Variants in NCR1 observed in about 807,000 individuals in gnomAD.
NCR1 encodes natural cytotoxicity triggering receptor 1.
Under a neutral mutation model 32.5 loss-of-function variants are expected in NCR1, and 30 were observed. That is an observed-to-expected ratio of 0.92 (90% CI 0.69 to 1.25). NCR1 has a LOEUF of 1.25. Ranked by LOEUF, NCR1 falls within the 50% of genes most tolerant of loss-of-function variation. The probability of loss-of-function intolerance (pLI) is 0.00; values close to 1 mark genes in which losing one functional copy is unlikely to be tolerated. For missense variants in NCR1, 369 were observed against 380.7 expected, an observed-to-expected ratio of 0.97 and a Z score of 0.26; for synonymous variants, 169 against 143.4, an observed-to-expected ratio of 1.18 and a Z score of -1.28.
chr19:54,922,484 A>G, the NCR1 span, among the ~76,000 whole-genome samples: 27,892 of 151,766 alleles, frequency 0.18, 2,657 homozygotes, highest in East Asian at 0.32. Flanking sequence ...CTCACACAGA[A>G]ACAGACAGAC....
the NCR1 span, among the ~76,000 whole-genome samples, chr19:54,932,440 T>G: frequency 7.6e-6 from 1 of 131,744 alleles, no homozygotes. Flanking sequence ...AAAAAAAAAA[T>G]GAATCTCAGA....
At chr19:54,926,289 G>A in the NCR1 span, among the ~76,000 whole-genome samples, 1 of 151,918 alleles carries the variant, frequency 6.6e-6, no homozygotes, top group Non-Finnish European at 1.5e-5. Context: ...TAAACTCTCA[G>A]TATGCCTAGG....
rs371899644 is a variant in NCR1, at chr19:54,909,211, G to A, written c.356-34G>A. ...AAAATAGCTGGCTGCTCATCACTGAGTTTCTGGTGTGGTGGCCCCACCTTC... is the reference window on the plus strand; with the variant it reads ...AAAATAGCTGGCTGCTCATCACTGAATTTCTGGTGTGGTGGCCCCACCTTC... On this transcript the variant is annotated intron_variant, in intron 3 of 6. Transcript: ENST00000291890. The A allele has an allele frequency of 5.9e-5, 93 of 1,587,814 alleles. 1 individual carries two copies. The highest frequency in any genetic ancestry group is 3.5e-4 in the Admixed American group (20 of 57,748).
At chr19:54,916,128 T>G (rs1369549164), downstream of NCR1, 1 of 151,910 alleles carries the variant, frequency 6.6e-6, no homozygotes, top group Non-Finnish European at 1.5e-5. Flanking sequence ...AATAAACTTA[T>G]GCCGCTTTGC....
chr19:54,906,895 G>GAC, intron 3 of NCR1, 88 bp downstream of exon 3: 1 of 1,464,162 alleles, frequency 6.8e-7, no homozygotes. Flanking sequence ...GCCCCACTCA[G>GAC]ACACTGCTTG....
chr19:54,934,477 G>A, the NCR1 span: 2 of 1,613,966 alleles, frequency 1.2e-6, no homozygotes, highest in Non-Finnish European at 8.5e-7. The surrounding 1 kb of genome is among the most constrained non-coding windows in gnomAD (Gnocchi z 6.7). Context: ...CCCATGGGAA[G>A]AGGAGACTTA....
At chr19:54,933,046 G>A in the NCR1 span, among the ~76,000 whole-genome samples, 4 of 152,142 alleles carry the variant, frequency 2.6e-5, no homozygotes, top group African/African-American at 9.7e-5. Context: ...CATCAGATCC[G>A]AGAACCAACT....
the NCR1 span, among the ~76,000 whole-genome samples, chr19:54,922,790 CAA>C: frequency 3.9e-5 from 2 of 51,856 alleles, no homozygotes; most frequent in Non-Finnish European, 3.6e-5. Context: ...AAAAAAAAAA[CAA>C]AAAAAAAAAA....
At chr19:54,917,602 C>T (rs1169922646), downstream of NCR1, among the ~76,000 whole-genome samples, 1 of 152,036 alleles carries the variant, frequency 6.6e-6, no homozygotes, top group Non-Finnish European at 1.5e-5. Flanking sequence ...ATTACAGGCC[C>T]CCGCACCCAG....
chr19:54,915,832 A>C (rs1602076340), downstream of NCR1: 1 of 127,632 alleles, frequency 7.8e-6, no homozygotes, highest in African/African-American at 3.2e-5. Flanking sequence ...ACAGAGCGAG[A>C]CTCCATCTCA....
At chr19:54,914,164 C>CTTTTTTTTTT (rs533441878), downstream of NCR1, among the ~76,000 whole-genome samples, 4 of 124,090 alleles carry the variant, frequency 3.2e-5, no homozygotes, top group Admixed American at 8.1e-5. Context: ...TCTTCTCTTC[C>CTTTTTTTTTT]TTTTTTTTTT....
the NCR1 span, among the ~76,000 whole-genome samples, chr19:54,935,184 C>T: frequency 1.5e-3 from 227 of 151,668 alleles, no homozygotes; most frequent in African/African-American, 5.3e-3. Context: ...CAATTCTGTG[C>T]AATGTTTCAC....
At chr19:54,921,932 T>C in the NCR1 span, among the ~76,000 whole-genome samples, 1 of 151,636 alleles carries the variant, frequency 6.6e-6, no homozygotes, top group South Asian at 2.1e-4. Flanking sequence ...GTTTTGCTCT[T>C]ATTGCCCAGG....
At position 54,912,880 on chromosome 19, in the gene NCR1, C is replaced by T; in HGVS notation, c.*9C>T. 6.2e-7 allele frequency: 1 copy of T among 1,610,840 alleles called. No individual in the cohort carries two copies. Among genetic ancestry groups the T allele is most frequent in the Non-Finnish European group, 8.5e-7 (1 of 1,179,132 alleles). On this transcript the variant is annotated 3_prime_UTR_variant, in exon 7 of 7. Coordinates refer to ENST00000291890, the MANE Select transcript of NCR1 (RefSeq NM_004829.7). Reference sequence around the variant, plus strand: ...ACACACAGACTCTTTGAAGAATGACCATGAGACACAGTGGCCATGGGTGGA... The same window carrying T: ...ACACACAGACTCTTTGAAGAATGACTATGAGACACAGTGGCCATGGGTGGA...
At chr19:54,903,378 G>GTATGTATATACATA (rs1556716480), upstream of NCR1, among the ~76,000 whole-genome samples, 1 of 122,714 alleles carries the variant, frequency 8.1e-6, no homozygotes, top group Non-Finnish European at 1.7e-5. Context: ...ATATATACAT[G>GTATGTATATACATA]TATGTATATA....
chr19:54,914,179 CTTT>C (rs901003519), downstream of NCR1, among the ~76,000 whole-genome samples: 3 of 92,626 alleles, frequency 3.2e-5, no homozygotes, highest in African/African-American at 1.1e-4. Flanking sequence ...TTTTTTTTTT[CTTT>C]TTTTTTGTTT....
the NCR1 span, chr19:54,936,123 C>G: frequency 3.9e-6 from 3 of 759,680 alleles, no homozygotes; most frequent in Admixed American, 6.0e-5. Context: ...GAGGCCGACT[C>G]CCCCACACAG....
chr19:54,902,545 G>T (rs2067318632), upstream of NCR1, among the ~76,000 whole-genome samples: 1 of 152,038 alleles, frequency 6.6e-6, no homozygotes, highest in Non-Finnish European at 1.5e-5. Flanking sequence ...GGGATTACAG[G>T]TGTGAGCCAC....
At chr19:54,937,679 C>G in the NCR1 span, among the ~76,000 whole-genome samples, 1 of 152,076 alleles carries the variant, frequency 6.6e-6, no homozygotes, top group African/African-American at 2.4e-5. Flanking sequence ...AGGCAAATCA[C>G]CTGAGGTCAG....
Sources: allele counts gnomAD v4.1 joint callset (sites outside exome capture counted in the v4.1 genomes callset), GRCh38; gene constraint gnomAD v4.1.1; non-coding constraint Gnocchi (gnomAD v3.1); transcripts MANE v1.5; gene names NCBI Gene and HGNC (gene_info 2026-07-23, HGNC 2026-07-21).